Variants in RPF2 observed in about 807,000 individuals in gnomAD.
RPF2 encodes brix domain containing 1.
Under a neutral mutation model 38.9 loss-of-function variants are expected in RPF2, and 21 were observed. The ratio of observed to expected loss-of-function variants is 0.54; its 90% CI spans 0.38 to 0.78. The LOEUF (loss-of-function observed/expected upper bound fraction) is 0.78. Ranked by LOEUF, RPF2 falls within the 30% of genes least tolerant of loss-of-function variation. The pLI is 0.00. For synonymous variants in RPF2, 121 were observed against 126.2 expected (o/e 0.96, Z 0.28); for missense variants, 314 against 358.1 (o/e 0.88, Z 0.99).
At position 110,985,058 on chromosome 6, in the gene RPF2, C is replaced by G. The variant is rs1446126278; in HGVS notation, c.76C>G (p.Leu26Val). ...ATTCCTTGAGAAGAGAGAACCGAAA[C>G]TCAATGAAAATATTAAAAATGCCAT... is the stretch of plus-strand genomic sequence containing the variant. ...KRFLEKREPK[L>V]NENIKNAMLI... Residue 26 changes from leucine to valine, a missense_variant, in exon 2 of 10, where the codon CTC (leucine) becomes GTC (valine). Transcript: ENST00000441448. The G allele has an allele frequency of 6.2e-7, 1 of 1,612,726 alleles. No homozygotes were observed. The highest frequency in any genetic ancestry group is 8.5e-7 in the Non-Finnish European group (1 of 1,179,694).
chr6:111,001,889 A>C (rs1232056343), intron 6 of RPF2, among the ~76,000 whole-genome samples: 1 of 152,216 alleles, frequency 6.6e-6, no homozygotes, highest in East Asian at 1.9e-4. Context: ...CATGCCTGTA[A>C]GCCCATCACT....
At chr6:110,982,413 G>A (rs1337281919) in intron 1 of RPF2, 2 of 535,376 alleles carry the variant, frequency 3.7e-6, no homozygotes, top group South Asian at 2.1e-5. Flanking sequence ...GTATGAGACA[G>A]ATGGTATAGT....
At chr6:111,017,715 C>G (rs1176831051) in intron 8 of RPF2, among the ~76,000 whole-genome samples, 1 of 149,312 alleles carries the variant, frequency 6.7e-6, no homozygotes, top group African/African-American at 2.5e-5. Context: ...AAGAGGCGCT[C>G]CTCACTTCCC....
intron 4 of RPF2, among the ~76,000 whole-genome samples, chr6:110,995,868 A>G (rs3904926): frequency 0.092 from 13,803 of 150,234 alleles, 703 homozygotes; most frequent in Middle Eastern, 0.13. Context: ...GAGTGCAGTG[A>G]TGCCATCACG....
intron 5 of RPF2, 24 bp downstream of exon 5, chr6:110,997,288 G>A: frequency 7.3e-7 from 1 of 1,362,590 alleles, no homozygotes; most frequent in Non-Finnish European, 1.0e-6. Context: ...ACTTTTTAAT[G>A]TTTTCACTGA....
chr6:111,018,319 T>A (rs1039564505), intron 8 of RPF2, among the ~76,000 whole-genome samples: 6 of 152,126 alleles, frequency 3.9e-5, no homozygotes, highest in African/African-American at 1.2e-4. Context: ...GCCCACAGTT[T>A]CCTAAAGAAT....
At chr6:111,019,068 A>T (rs1300567860) in intron 8 of RPF2, among the ~76,000 whole-genome samples, 1 of 151,972 alleles carries the variant, frequency 6.6e-6, no homozygotes, top group African/African-American at 2.4e-5. Flanking sequence ...TACAAAAATT[A>T]GCTGGACATG....
intron 4 of RPF2, among the ~76,000 whole-genome samples, chr6:110,994,224 A>G (rs1351017402): frequency 6.6e-6 from 1 of 151,124 alleles, no homozygotes; most frequent in African/African-American, 2.4e-5. Context: ...GCGGTGAGCC[A>G]AGATTGTGGC....
intron 7 of RPF2, among the ~76,000 whole-genome samples, chr6:111,014,198 G>A (rs905662885): frequency 6.6e-6 from 1 of 151,054 alleles, no homozygotes; most frequent in African/African-American, 2.4e-5. Context: ...GTACAGTGGC[G>A]CAATCTCGGC....
chr6:110,997,035 C>G (rs1385975300), intron 4 of RPF2, 148 bp from the exon 5 acceptor site: 2 of 614,882 alleles, frequency 3.3e-6, no homozygotes, highest in Non-Finnish European at 5.9e-6. Context: ...CTCCTGATCT[C>G]AAGTAATCAA....
At chr6:111,006,715 C>G (rs1220888778) in intron 6 of RPF2, among the ~76,000 whole-genome samples, 1 of 152,148 alleles carries the variant, frequency 6.6e-6, no homozygotes, top group Non-Finnish European at 1.5e-5. Context: ...TCAAGCGATC[C>G]TCCTACCTCA....
chr6:111,026,354 T>C lies in RPF2; in HGVS notation c.*772T>C, dbSNP rs1045226021. The C allele has an allele frequency of 6.6e-6, 1 of 151,866 alleles. No individual in the cohort carries two copies. The highest frequency in any genetic ancestry group is 2.4e-5 in the African/African-American group (1 of 41,222). The allele number at this position is 151,866 out of a possible 1,614,324, so 9.4% of individuals were successfully genotyped here. On this transcript the variant is annotated 3_prime_UTR_variant, in exon 10 of 10. Coordinates refer to ENST00000441448, the MANE Select transcript of RPF2 (RefSeq NM_032194.3). ...TCTTACGTAGCTGGGATTACAGGCA[T>C]GAGCCACTGAGCCCTACTTTTTTTT...
chr6:111,012,013 A>T lies in RPF2; in HGVS notation c.494-3741A>T, dbSNP rs1468680140. Among the ~76,000 whole-genome samples, 3 of 152,084 alleles carry T rather than the reference A, an allele frequency of 2.0e-5. No homozygotes were observed. The East Asian group carries it at 5.8e-4, about 29-fold the overall frequency. On this transcript the variant is annotated intron_variant, in intron 7 of 9. Coordinates refer to ENST00000441448, the MANE Select transcript of RPF2 (RefSeq NM_032194.3). ...GCTCTTTGGTTTATGTTGTGTGTTC[A>T]AATGAAATATCAGTAGGGAGCAAGA...
chr6:110,997,290 T>A, intron 5 of RPF2, 26 bp downstream of exon 5: 9 of 1,349,920 alleles, frequency 6.7e-6, no homozygotes, highest in Non-Finnish European at 9.5e-6. Flanking sequence ...TTTTTAATGT[T>A]TTCACTGATA....
rs1771781108 is a variant in RPF2 at position 110,999,733 on chromosome 6, G to T, written c.339G>T (p.Val113=). 4 of 1,604,682 alleles carry T rather than the reference G, an allele frequency of 2.5e-6. No individual in the cohort carries two copies. The highest frequency in any genetic ancestry group is 3.4e-6 in the Non-Finnish European group (4 of 1,171,556). Residue 113 remains valine, a synonymous_variant, in exon 6 of 10, where the codon GTG becomes GTT. Transcript: ENST00000441448. ...CAGGTCGTATGTATGACTACCATGTGCTGGATATGATTGAATTAGGTATTG... is the reference window on the plus strand; with the variant it reads ...CAGGTCGTATGTATGACTACCATGTTCTGGATATGATTGAATTAGGTATTG... ...LVIGRMYDYH[V]LDMIELGIEN... is the part of the protein sequence containing the mutation.
Position 111,025,460 on chromosome 6 carries a change from C to T in RPF2, c.799C>T (p.His267Tyr), listed in dbSNP as rs992435949. Residue 267 changes from histidine to tyrosine, a missense_variant, in exon 10 of 10, where the codon CAT (histidine) becomes TAT (tyrosine). Physicochemically the swap from His to Tyr is moderately conservative, Grantham distance 83. Coordinates refer to ENST00000441448, the MANE Select transcript of RPF2 (RefSeq NM_032194.3). Reference protein sequence around the residue: ...DTFGTTYGRIHMQKQDLSKLQ... With the variant: ...DTFGTTYGRIYMQKQDLSKLQ... Reference sequence around the variant, plus strand: ...TTTTGGTACAACTTATGGAAGGATTCATATGCAGAAGCAAGACCTAAGCAA... The same window carrying T: ...TTTTGGTACAACTTATGGAAGGATTTATATGCAGAAGCAAGACCTAAGCAA... The T allele has an allele frequency of 5.0e-6, 8 of 1,612,662 alleles. No individual in the cohort carries two copies. Among genetic ancestry groups the T allele is most frequent in the Admixed American group, 1.7e-5 (1 of 59,940 alleles).
rs1036997907 is a variant in RPF2 at position 111,028,080 on chromosome 6, A to G, written c.*2498A>G. 1 of 151,750 alleles carries G rather than the reference A, an allele frequency of 6.6e-6. No homozygotes were observed. Among genetic ancestry groups the G allele is most frequent in the Non-Finnish European group, 1.5e-5 (1 of 67,960 alleles). 9.4% of individuals were successfully genotyped at this position (151,750 alleles called of 1,614,324 possible). A position where few individuals can be genotyped will look rare whatever the true frequency, so the allele number is the denominator to read the frequency against. Reference sequence around the variant, plus strand: ...TTTTGTTTTAAATACCAAATTTCTTATATTTTTTCTGGAATATTAATACTA... The same window carrying G: ...TTTTGTTTTAAATACCAAATTTCTTGTATTTTTTCTGGAATATTAATACTA... On this transcript the variant is annotated 3_prime_UTR_variant, in exon 10 of 10. Transcript: ENST00000441448.
intron 7 of RPF2, among the ~76,000 whole-genome samples, chr6:111,015,300 A>G (rs1562374601): frequency 1.3e-5 from 2 of 152,144 alleles, no homozygotes. Flanking sequence ...CTTTGTTCAT[A>G]TAATCAAGAT....
intron 2 of RPF2, among the ~76,000 whole-genome samples, chr6:110,988,767 T>C (rs890925419): frequency 3.9e-5 from 6 of 152,070 alleles, no homozygotes; most frequent in African/African-American, 1.4e-4. Context: ...CTAAGTCGAG[T>C]TTAAAGAAAT....
Sources: gnomAD v4.1 joint callset for allele counts (sites outside exome capture counted in the v4.1 genomes callset) on GRCh38, gnomAD v4.1.1 for gene constraint, MANE v1.5 for transcripts, NCBI Gene and HGNC (gene_info 2026-07-23, HGNC 2026-07-21) for gene names.